The following FANCC variants were observed in gnomAD, a reference collection of about 807,000 sequenced individuals.
FANCC encodes the protein Fanconi anemia group C protein.
Under a neutral mutation model 71.3 loss-of-function variants are expected in FANCC, and 55 were observed. The observed-to-expected ratio is 0.77, with a 90% CI of 0.62 to 0.97. FANCC has a LOEUF of 0.97. Ranked by LOEUF, FANCC falls within the 50% of genes least tolerant of loss-of-function variation. FANCC has a pLI of 0.00. For synonymous variants in FANCC, 275 were observed against 244.9 expected (o/e 1.12, Z -1.15); for missense variants, 678 against 670.9 (o/e 1.01, Z -0.12).
chr9:95,209,363 A>C (rs1422073041), intron 4 of FANCC, among the ~76,000 whole-genome samples: 1 of 152,156 alleles, frequency 6.6e-6, no homozygotes, highest in Non-Finnish European at 1.5e-5. Flanking sequence ...GTGAGCCCTA[A>C]TGTCAACTAC....
intron 6 of FANCC, among the ~76,000 whole-genome samples, chr9:95,155,410 T>C (rs1248062053): frequency 6.6e-6 from 1 of 151,774 alleles, no homozygotes; most frequent in Non-Finnish European, 1.5e-5. Flanking sequence ...AGTTACTTCC[T>C]GCCTCAGGTT....
At chr9:95,153,483 T>G in intron 6 of FANCC, among the ~76,000 whole-genome samples, 1 of 152,204 alleles carries the variant, frequency 6.6e-6, no homozygotes, top group East Asian at 1.9e-4. Context: ...AAGTGTTCTC[T>G]TTTCCCCACA....
chr9:95,270,889 T>C (rs896767861), intron 1 of FANCC, among the ~76,000 whole-genome samples: 2 of 152,192 alleles, frequency 1.3e-5, no homozygotes, highest in African/African-American at 4.8e-5. Flanking sequence ...TTTGGCCCAT[T>C]TGTGGACTTC....
intron 4 of FANCC, among the ~76,000 whole-genome samples, chr9:95,219,746 C>A (rs1208276322): frequency 6.6e-6 from 1 of 152,092 alleles, no homozygotes; most frequent in African/African-American, 2.4e-5. Flanking sequence ...AATGTTAGAC[C>A]TAAAACCATA....
At chr9:95,191,327 C>CTTTTTTTT (rs71366278) in intron 4 of FANCC, among the ~76,000 whole-genome samples, 2 of 53,920 alleles carry the variant, frequency 3.7e-5, no homozygotes, top group African/African-American at 7.9e-5. Context: ...ATCCTACTTC[C>CTTTTTTTT]TTTTTTTTTT....
intron 14 of FANCC, among the ~76,000 whole-genome samples, chr9:95,103,562 C>T (rs2071217676): frequency 6.6e-6 from 1 of 152,180 alleles, no homozygotes; most frequent in Non-Finnish European, 1.5e-5. Context: ...CTCCTGCAGG[C>T]ACAAGTGAGG....
intron 4 of FANCC, among the ~76,000 whole-genome samples, chr9:95,180,205 T>C (rs1297961112): frequency 6.6e-6 from 1 of 152,184 alleles, no homozygotes; most frequent in Non-Finnish European, 1.5e-5. Flanking sequence ...TACCTCCACA[T>C]CTTGTCCCAC....
chr9:95,252,225 C>T (rs939323831), intron 1 of FANCC, among the ~76,000 whole-genome samples: 3 of 127,366 alleles, frequency 2.4e-5, no homozygotes, highest in South Asian at 5.0e-4. Flanking sequence ...TGCAGTGAGC[C>T]GAGACCGCAC....
chr9:95,230,770 T>G (rs952166234), intron 4 of FANCC, among the ~76,000 whole-genome samples: 12 of 152,172 alleles, frequency 7.9e-5, no homozygotes, highest in African/African-American at 2.9e-4. Flanking sequence ...TGGTGGCCGC[T>G]GCTGGCTGGG....
At chr9:95,111,172 A>G (rs2071886564) in intron 13 of FANCC, 1 of 1,535,744 alleles carries the variant, frequency 6.5e-7, no homozygotes, top group African/African-American at 1.4e-5. Context: ...CCTGGGGCAG[A>G]TATGGCAGCT....
At chr9:95,292,552 T>A in intron 1 of FANCC, 1 of 1,477,358 alleles carries the variant, frequency 6.8e-7, no homozygotes, top group East Asian at 2.4e-5. Context: ...CAGCAGTAGG[T>A]GAGCGAGCTG....
intron 6 of FANCC, 140 bp downstream of exon 6, chr9:95,170,939 T>C: frequency 1.4e-6 from 1 of 705,740 alleles, no homozygotes; most frequent in East Asian, 2.7e-5. Context: ...ATTTGCTATG[T>C]ATTCCACTAA....
chr9:95,164,626 T>G (rs760402309), intron 6 of FANCC, among the ~76,000 whole-genome samples: 20 of 152,196 alleles, frequency 1.3e-4, no homozygotes, highest in Non-Finnish European at 2.6e-4. Context: ...TGAGCCATCC[T>G]TGTATTCAAG....
At chr9:95,292,766 A>T in intron 1 of FANCC, 1 of 1,472,908 alleles carries the variant, frequency 6.8e-7, no homozygotes, top group South Asian at 1.1e-5. Flanking sequence ...GCCCTGACAG[A>T]CCATTTTCTC....
intron 1 of FANCC, among the ~76,000 whole-genome samples, chr9:95,260,431 A>G (rs1291660702): frequency 6.6e-6 from 1 of 152,148 alleles, no homozygotes; most frequent in Non-Finnish European, 1.5e-5. Context: ...TCAGCAACCA[A>G]CACAGGAACA....
chr9:95,165,651 T>G (rs892906196), intron 6 of FANCC, among the ~76,000 whole-genome samples: 1 of 152,118 alleles, frequency 6.6e-6, no homozygotes, highest in African/African-American at 2.4e-5. Context: ...ATAGTTACTA[T>G]GATTTCAGTC....
chr9:95,279,255 T>C (rs1833231685), intron 1 of FANCC, among the ~76,000 whole-genome samples: 1 of 151,348 alleles, frequency 6.6e-6, no homozygotes, highest in Non-Finnish European at 1.5e-5. Flanking sequence ...GAGACAGAGG[T>C]TGCAGTGAGC....
intron 1 of FANCC, among the ~76,000 whole-genome samples, chr9:95,305,749 C>T (rs1221105659): frequency 1.3e-5 from 2 of 152,160 alleles, no homozygotes; most frequent in African/African-American, 2.4e-5. Flanking sequence ...TGTGAAAAGA[C>T]ACGCCATACT....
At chr9:95,293,102 C>A in intron 1 of FANCC, 5 of 1,613,004 alleles carry the variant, frequency 3.1e-6, no homozygotes, top group Middle Eastern at 1.7e-4. Context: ...AGACCAGACA[C>A]CCAAGAACTA....
Sources: gnomAD v4.1 joint callset for allele counts (sites outside exome capture counted in the v4.1 genomes callset) on GRCh38, gnomAD v4.1.1 for gene constraint, MANE v1.5 for transcripts, NCBI Gene and HGNC (gene_info 2026-07-23, HGNC 2026-07-21) for gene names.